Variants in RIN2 observed in about 807,000 individuals in gnomAD.
RIN2 encodes the protein RAB5 interacting protein 2.
RIN2 carries 36 observed loss-of-function variants against 78.0 expected under a neutral mutation model. That is an observed-to-expected ratio of 0.46 (90% confidence interval 0.35 to 0.61). The LOEUF is 0.61. Ranked by LOEUF, RIN2 falls within the 20% of genes least tolerant of loss-of-function variation. The pLI is 0.00. For missense variants in RIN2, 1,087 were observed against 1,159.7 expected, an observed-to-expected ratio of 0.94 and a Z score of 0.91; for synonymous variants, 466 against 466.8, an observed-to-expected ratio of 1.00 and a Z score of 0.02.
rs187754045 is a variant in RIN2, at chr20:19,993,001, C to T, written c.2200+702C>T. Among the ~76,000 whole-genome samples the T allele has an allele frequency of 1.2e-3, 187 of 152,118 alleles. 1 individual carries two copies. The highest frequency in any genetic ancestry group is 4.4e-3 in the African/African-American group (181 of 41,520). ...TTTGCTCTCAATTTACGTTGGCATT[C>T]GGGTTCCTTCTCCTTGTGTCTGCCT... is the stretch of plus-strand genomic sequence containing the variant. On this transcript the variant is annotated intron_variant, in intron 11 of 12. Transcript: ENST00000255006.
intron 2 of RIN2, among the ~76,000 whole-genome samples, chr20:19,811,490 T>C (rs2035598232): frequency 6.6e-6 from 1 of 152,154 alleles, no homozygotes; most frequent in Non-Finnish European, 1.5e-5. Flanking sequence ...CACGGGTACC[T>C]GCAGTGGGAA....
chr20:19,956,257 CAAAAAAAAAAAAAA>C (rs11483774), intron 4 of RIN2, among the ~76,000 whole-genome samples: 1 of 50,746 alleles, frequency 2.0e-5, no homozygotes, highest in Non-Finnish European at 4.0e-5. Context: ...GACTCCATCT[CAAAAAAAAAAAAAA>C]AAAAAAGAAA....
At chr20:19,913,834 A>C (rs1171485744) in intron 3 of RIN2, among the ~76,000 whole-genome samples, 1 of 152,342 alleles carries the variant, frequency 6.6e-6, no homozygotes, top group African/African-American at 2.4e-5. Flanking sequence ...TTCATCCATC[A>C]GCGGACACTG....
intron 2 of RIN2, among the ~76,000 whole-genome samples, chr20:19,868,314 G>A (rs1300864362): frequency 6.6e-6 from 1 of 152,250 alleles, no homozygotes; most frequent in Non-Finnish European, 1.5e-5. Flanking sequence ...TCCACCGCCT[G>A]GCTACGTTAT....
chr20:19,795,798 GA>G (rs1382527704), intron 1 of RIN2, among the ~76,000 whole-genome samples: 2 of 151,898 alleles, frequency 1.3e-5, no homozygotes, highest in African/African-American at 4.8e-5. Flanking sequence ...ATGGGCAAAG[GA>G]AAAAAAGACC....
intron 4 of RIN2, among the ~76,000 whole-genome samples, chr20:19,942,119 AAAAG>A (rs1239977268): frequency 1.4e-5 from 1 of 70,588 alleles, no homozygotes; most frequent in Non-Finnish European, 2.3e-5. Context: ...CAAAAAAAAA[AAAAG>A]AAAGAGAAAG....
At chr20:19,855,613 A>G (rs1308828814) in intron 2 of RIN2, among the ~76,000 whole-genome samples, 3 of 152,194 alleles carry the variant, frequency 2.0e-5, no homozygotes, top group Non-Finnish European at 4.4e-5. Flanking sequence ...AATGTGTACA[A>G]GTTTGCAACT....
intron 1 of RIN2, among the ~76,000 whole-genome samples, chr20:19,785,255 A>T (rs1397314030): frequency 6.6e-6 from 1 of 150,508 alleles, no homozygotes; most frequent in Non-Finnish European, 1.5e-5. Context: ...TCAGCTAGTC[A>T]ATGTTCTCAC....
intron 2 of RIN2, among the ~76,000 whole-genome samples, chr20:19,880,847 A>G (rs753286160): frequency 6.6e-5 from 10 of 152,162 alleles, no homozygotes; most frequent in African/African-American, 1.9e-4. Context: ...TCCATAAAGG[A>G]AGATCTTTTC....
At chr20:19,912,581 C>T (rs1048295871) in intron 3 of RIN2, among the ~76,000 whole-genome samples, 4 of 141,312 alleles carry the variant, frequency 2.8e-5, no homozygotes, top group African/African-American at 7.9e-5. Flanking sequence ...GGAGTTCAAA[C>T]GATTCCACTG....
At chr20:19,890,679 CAAAAAA>C (rs534202183) in intron 3 of RIN2, among the ~76,000 whole-genome samples, 14 of 64,446 alleles carry the variant, frequency 2.2e-4, no homozygotes, top group South Asian at 8.8e-4. Context: ...GTTGACTCTA[CAAAAAA>C]AAAAAAAAAA....
intron 3 of RIN2, among the ~76,000 whole-genome samples, chr20:19,897,780 T>C (rs1043440742): frequency 2.0e-5 from 3 of 151,770 alleles, no homozygotes; most frequent in Non-Finnish European, 4.4e-5. Context: ...GGTGTGAACA[T>C]AGCTTACTGC....
intron 3 of RIN2, chr20:19,895,659 G>C (rs1247452955): frequency 6.6e-6 from 1 of 152,222 alleles, no homozygotes; most frequent in Non-Finnish European, 1.5e-5. Flanking sequence ...AGCAGCAGAG[G>C]CCCAACTTGA....
intron 4 of RIN2, among the ~76,000 whole-genome samples, chr20:19,943,397 C>G (rs2040958959): frequency 6.6e-6 from 1 of 152,148 alleles, no homozygotes; most frequent in African/African-American, 2.4e-5. Context: ...GTTGATAGAA[C>G]TTAAAAATTA....
intron 1 of RIN2, among the ~76,000 whole-genome samples, chr20:19,773,802 A>G (rs780299770): frequency 2.0e-4 from 30 of 151,892 alleles, no homozygotes; most frequent in Non-Finnish European, 3.7e-4. Flanking sequence ...ACAATTTCAA[A>G]ATGCCTGATA....
At chr20:19,867,413 T>C (rs1215963462) in intron 2 of RIN2, among the ~76,000 whole-genome samples, 2 of 152,264 alleles carry the variant, frequency 1.3e-5, no homozygotes, top group South Asian at 4.1e-4. Flanking sequence ...ATCCCAATAA[T>C]GTCATTTACA....
chr20:19,852,017 G>A (rs564892162), intron 2 of RIN2, among the ~76,000 whole-genome samples: 21 of 152,208 alleles, frequency 1.4e-4, no homozygotes, highest in East Asian at 3.9e-4. Context: ...TATGTCTTTC[G>A]TCTTCCCTGG....
intron 2 of RIN2, among the ~76,000 whole-genome samples, chr20:19,857,192 G>C (rs2037194871): frequency 1.3e-5 from 2 of 152,022 alleles, no homozygotes; most frequent in African/African-American, 4.8e-5. Flanking sequence ...GATTAGTTTT[G>C]CCTGTTATTG....
Position 19,997,651 on chromosome 20 carries a change from T to G in RIN2, c.2364+809T>G, listed in dbSNP as rs373306940. On this transcript the variant is annotated intron_variant, in intron 12 of 12. Coordinates refer to ENST00000255006, the MANE Select transcript of RIN2 (RefSeq NM_018993.4). Reference sequence around the variant, plus strand: ...GCAGGCACCTGTAATCCCAGCTACTTGGGAGGCTGAGGCAGGAGAATCGCT... The same window carrying G: ...GCAGGCACCTGTAATCCCAGCTACTGGGGAGGCTGAGGCAGGAGAATCGCT... Among the ~76,000 whole-genome samples, 218 of 151,838 alleles carry G rather than the reference T, an allele frequency of 1.4e-3. 2 individuals carry two copies. Among genetic ancestry groups the G allele is most frequent in the South Asian group, 0.012 (59 of 4,780 alleles).
Sources: allele counts gnomAD v4.1 joint callset (sites outside exome capture counted in the v4.1 genomes callset), GRCh38; gene constraint gnomAD v4.1.1; transcripts MANE v1.5; gene names NCBI Gene and HGNC (gene_info 2026-07-23, HGNC 2026-07-21).